The following NOX5 variants were observed in gnomAD, a reference collection of about 807,000 sequenced individuals.
NOX5 encodes NADPH oxidase, EF-hand calcium binding domain 5.
In NOX5, 76 loss-of-function variants were observed where a neutral mutation model predicts 85.7. The ratio of observed to expected loss-of-function variants is 0.89; its 90% CI spans 0.74 to 1.07. NOX5 has a LOEUF of 1.07. NOX5 is among the 50% of genes least tolerant of loss of function. NOX5 has a pLI of 0.00. For missense variants in NOX5, 973 were observed against 999.5 expected, an observed-to-expected ratio of 0.97 and a Z score of 0.36; for synonymous variants, 405 against 401.4, an observed-to-expected ratio of 1.01 and a Z score of -0.11.
chr15:69,033,339 C>A, intron 5 of NOX5, 62 bp downstream of exon 5: 1 of 1,513,314 alleles, frequency 6.6e-7, no homozygotes, highest in Non-Finnish European at 8.8e-7. Flanking sequence ...TGGGCTCCTC[C>A]TAGACAGAGC....
intron 5 of NOX5, among the ~76,000 whole-genome samples, 155 bp from the exon 6 acceptor site, chr15:69,035,198 AT>A (rs1314854911): frequency 6.6e-6 from 1 of 152,202 alleles, no homozygotes; most frequent in Non-Finnish European, 1.5e-5. Flanking sequence ...CCAGGTATGA[AT>A]CCAGGGAAGC....
At chr15:69,048,304 AG>A (rs1877829322) in intron 13 of NOX5, among the ~76,000 whole-genome samples, 1 of 152,202 alleles carries the variant, frequency 6.6e-6, no homozygotes, top group African/African-American at 2.4e-5. Context: ...AGGCCAAGGC[AG>A]GCAGATCACT....
intron 8 of NOX5, 75 bp downstream of exon 8, chr15:69,037,285 T>C: frequency 7.3e-7 from 1 of 1,364,578 alleles, no homozygotes; most frequent in Non-Finnish European, 1.0e-6. Flanking sequence ...AGCAGCTGGA[T>C]ACCCTGTCAG....
intron 14 of NOX5, among the ~76,000 whole-genome samples, chr15:69,051,577 G>A (rs1445306672): frequency 6.6e-6 from 1 of 151,996 alleles, no homozygotes; most frequent in Non-Finnish European, 1.5e-5. Context: ...ATTTCTCCAG[G>A]TTACTCAGGC....
rs936188744 is a variant in NOX5, at chr15:69,039,131, G to C, written c.1504+142G>C. On this transcript the variant is annotated intron_variant, in intron 9 of 15. Transcript: ENST00000388866. ...CCTCAAAAAGCTCTCTTTGAAGTGGGAGCAGGCATGCAGACACCGATTGGC... is the reference window on the plus strand; with the variant it reads ...CCTCAAAAAGCTCTCTTTGAAGTGGCAGCAGGCATGCAGACACCGATTGGC... 4 of 935,828 alleles carry C rather than the reference G, an allele frequency of 4.3e-6. No individual in the cohort carries two copies. In the African/African-American group the frequency reaches 4.9e-5, roughly 11 times the overall value. The allele number at this position is 935,828 out of a possible 1,614,324, so 58.0% of individuals were successfully genotyped here. A position where few individuals can be genotyped will look rare whatever the true frequency, so the allele number is the denominator to read the frequency against.
chr15:69,035,221 G>T, intron 5 of NOX5, 133 bp from the exon 6 acceptor site: 1 of 911,190 alleles, frequency 1.1e-6, no homozygotes, highest in Non-Finnish European at 1.6e-6. Flanking sequence ...ACAAGGCATG[G>T]GGGCAGGGGA....
intron 14 of NOX5, among the ~76,000 whole-genome samples, chr15:69,051,394 TC>T (rs2050747645): frequency 6.6e-6 from 1 of 152,038 alleles, no homozygotes; most frequent in Non-Finnish European, 1.5e-5. Flanking sequence ...TGTAAATTTT[TC>T]TTTTTTTTTT....
At chr15:69,028,539 C>T in intron 3 of NOX5, 174 bp downstream of exon 3, 1 of 499,716 alleles carries the variant, frequency 2.0e-6, no homozygotes, top group Non-Finnish European at 3.4e-6. Flanking sequence ...CTCTCCCAGT[C>T]CCCAGTCTCT....
intron 5 of NOX5, among the ~76,000 whole-genome samples, chr15:69,033,681 T>C (rs1352939132): frequency 6.6e-6 from 1 of 151,054 alleles, no homozygotes. Context: ...GAGGTGTTTT[T>C]TTTTTTCTTT....
At chr15:69,042,615 G>T in intron 9 of NOX5, 48 bp from the exon 10 acceptor site, 1 of 1,582,482 alleles carries the variant, frequency 6.3e-7, no homozygotes, top group African/African-American at 1.3e-5. Context: ...GCTCCCTGGT[G>T]CCGGTCACTA....
At position 69,056,839 on chromosome 15, in the gene NOX5, A is replaced by T. The variant is rs2050818942; in HGVS notation, c.*143A>T. ...GACCCCCTAATCCTGCTCAACAGAG[A>T]GAACAGGAGACCCCAAGGGGCAGAT... On this transcript the variant is annotated 3_prime_UTR_variant, in exon 16 of 16. Transcript: ENST00000388866. 1 of 1,013,372 alleles carries T rather than the reference A, an allele frequency of 9.9e-7. No homozygotes were observed. Among genetic ancestry groups the T allele is most frequent in the Non-Finnish European group, 1.4e-6 (1 of 715,604 alleles). The allele number at this position is 1,013,372 out of a possible 1,614,324, so 62.8% of individuals were successfully genotyped here.
rs2050436653 is a variant in NOX5 at position 69,031,744 on chromosome 15, CAT to C, written c.553_554del (p.Ile185HisfsTer211). Reference sequence around the variant, plus strand: ...CGGCCGACGCGGACGGCAACGGGGCCATCACCTTCGAGGAGCTCCGGGACGAG... The same window carrying C: ...CGGCCGACGCGGACGGCAACGGGGCCCACCTTCGAGGAGCTCCGGGACGAG... ...ESADADGNGAITFEELRDELQ... is the reference protein window; with the variant it reads ...ESADADGNGAXTFEELRDELQ... On this transcript the variant is annotated frameshift_variant, in exon 4 of 16. Transcript: ENST00000388866. LOFTEE classifies it high-confidence loss of function. 6.2e-7 allele frequency: 1 copy of C among 1,612,480 alleles called. No homozygotes were observed. Among genetic ancestry groups the C allele is most frequent in the Non-Finnish European group, 8.5e-7 (1 of 1,179,410 alleles).
At chr15:69,021,445 G>C (rs1475243528) in intron 1 of NOX5, among the ~76,000 whole-genome samples, 3 of 151,072 alleles carry the variant, frequency 2.0e-5, no homozygotes, top group African/African-American at 7.3e-5. Flanking sequence ...AGCCTCCCCA[G>C]TAGCTGGGAC....
chr15:69,031,642 G>T lies in NOX5; in HGVS notation c.450G>T (p.Leu150=), dbSNP rs780674027. 7 of 1,613,362 alleles carry T rather than the reference G, an allele frequency of 4.3e-6. No individual in the cohort carries two copies. The highest frequency in any genetic ancestry group is 5.9e-6 in the Non-Finnish European group (7 of 1,179,990). The change falls in exon 4 of 16, where the codon CTG becomes CTT. Residue 150 remains leucine, a synonymous_variant. Coordinates refer to ENST00000388866, the MANE Select transcript of NOX5 (RefSeq NM_024505.4). The part of the protein sequence containing the change: ...SIDPDELRTV[L]QSCLRESAIS... ...ACCCGGATGAGCTGCGCACTGTGCT[G>T]CAGTCGTGTCTGCGCGAGAGCGCCA... is the stretch of plus-strand genomic sequence containing the variant.
chr15:69,022,819 T>A (rs1243013091), intron 1 of NOX5: 11 of 291,576 alleles, frequency 3.8e-5, no homozygotes, highest in Non-Finnish European at 6.8e-5. Flanking sequence ...ATGGAGCCTA[T>A]TACTGATCCT....
intron 1 of NOX5, among the ~76,000 whole-genome samples, chr15:69,020,115 A>C (rs1303337748): frequency 2.6e-5 from 4 of 152,214 alleles, no homozygotes; most frequent in Admixed American, 6.5e-5. Context: ...CTATGTTAAA[A>C]GAACACTAAC....
intron 10 of NOX5, among the ~76,000 whole-genome samples, chr15:69,044,875 C>G (rs1002024059): frequency 1.6e-4 from 25 of 152,282 alleles, no homozygotes; most frequent in African/African-American, 6.0e-4. Context: ...GTGTACAGCC[C>G]CCACTCATCC....
chr15:69,047,846 C>T lies in NOX5; in HGVS notation c.1834C>T (p.His612Tyr), dbSNP rs985856607. Residue 612 changes from histidine to tyrosine, a missense_variant, in exon 13 of 16, where the codon CAT becomes TAT. Transcript: ENST00000388866. ...TCCCCTCAGGCACCAGAAAAGAAAG[C>T]ATACTTGCCCCAGCTGCCAGCACTC... ...SIMYRHQKRK[H>Y]TCPSCQHSWI... 1 of 1,614,130 alleles carries T rather than the reference C, an allele frequency of 6.2e-7. No homozygotes were observed. The highest frequency in any genetic ancestry group is 1.1e-5 in the South Asian group (1 of 91,078).
chr15:69,037,475 G>A (rs905613), intron 8 of NOX5: 452,101 of 459,368 alleles, frequency 0.98, 222,861 homozygotes, highest in East Asian at 1. Flanking sequence ...CTCAGTAAGC[G>A]TTTATTAGTG....
Sources: gnomAD v4.1 joint callset for allele counts (sites outside exome capture counted in the v4.1 genomes callset) on GRCh38, gnomAD v4.1.1 for gene constraint, MANE v1.5 for transcripts, NCBI Gene and HGNC (gene_info 2026-07-23, HGNC 2026-07-21) for gene names.